The following B3GLCT variants were observed in gnomAD, a reference collection of about 807,000 sequenced individuals.
The protein encoded by B3GLCT is beta 3-glucosyltransferase.
A neutral mutation model predicts 63.4 loss-of-function variants in B3GLCT; 65 were observed. The ratio of observed to expected loss-of-function variants is 1.03; its 90% confidence interval spans 0.84 to 1.26. B3GLCT has a LOEUF of 1.26. Among genes scored for constraint, B3GLCT ranks in the 50% most tolerant of loss-of-function variants. B3GLCT has a pLI of 0.00. For missense variants in B3GLCT, 577 were observed against 604.8 expected (o/e 0.95, Z 0.48); for synonymous variants, 233 against 219.2 (o/e 1.06, Z -0.55).
chr13:31,212,653 TC>T (rs1869330225), intron 1 of B3GLCT, among the ~76,000 whole-genome samples: 1 of 152,138 alleles, frequency 6.6e-6, no homozygotes, highest in Admixed American at 6.5e-5. Context: ...CAAGGGGTCC[TC>T]CTGCCTTGGC....
At chr13:31,282,170 C>T (rs1418557860) in intron 10 of B3GLCT, among the ~76,000 whole-genome samples, 1 of 151,970 alleles carries the variant, frequency 6.6e-6, no homozygotes, top group Non-Finnish European at 1.5e-5. Flanking sequence ...GAATACAGTG[C>T]CTCAATACAA....
intron 10 of B3GLCT, among the ~76,000 whole-genome samples, chr13:31,277,659 A>G (rs1389749349): frequency 6.6e-6 from 1 of 152,200 alleles, no homozygotes; most frequent in Non-Finnish European, 1.5e-5. Context: ...TGATAATATG[A>G]TACATACAAA....
intron 6 of B3GLCT, among the ~76,000 whole-genome samples, chr13:31,256,173 T>A (rs149436124): frequency 6.6e-6 from 1 of 151,882 alleles, no homozygotes; most frequent in Admixed American, 6.6e-5. Flanking sequence ...CAAAAACATA[T>A]GAAAAAAAAG....
At chr13:31,284,274 G>A (rs1873208177) in intron 10 of B3GLCT, among the ~76,000 whole-genome samples, 1 of 152,136 alleles carries the variant, frequency 6.6e-6, no homozygotes, top group Non-Finnish European at 1.5e-5. Flanking sequence ...GTTTGCAAAG[G>A]TCTTCTCATG....
intron 13 of B3GLCT, among the ~76,000 whole-genome samples, chr13:31,321,379 A>C (rs1357518131): frequency 4.6e-5 from 7 of 152,262 alleles, no homozygotes; most frequent in Non-Finnish European, 8.8e-5. Context: ...ACAGCAAGTC[A>C]GAATCAGTGG....
chr13:31,233,930 G>A (rs542460375), intron 4 of B3GLCT, among the ~76,000 whole-genome samples: 11 of 152,158 alleles, frequency 7.2e-5, no homozygotes, highest in African/African-American at 2.7e-4. Context: ...GGGATACAAA[G>A]ATCAACAAGA....
intron 4 of B3GLCT, among the ~76,000 whole-genome samples, chr13:31,234,802 A>G (rs1593262651): frequency 1.3e-5 from 2 of 152,158 alleles, no homozygotes; most frequent in African/African-American, 4.8e-5. Context: ...TACATGTAGC[A>G]GTGACCCTGG....
At position 31,317,594 on chromosome 13, in the gene B3GLCT, T is replaced by C; in HGVS notation, c.1093T>C (p.Cys365Arg). ...SISRLQHLLS[C>R]YDSGEPVFLG... ...CTCCAGGCTCCAGCACTTGCTTAGC[T>C]GTTATGACTCCGGCGAGCCTGTGTT... Residue 365 changes from cysteine (C) to arginine (R), a missense_variant, in exon 13 of 15, where the codon TGT becomes CGT. Physicochemically the swap from Cys to Arg is radical, Grantham distance 180 (BLOSUM62 -3). Coordinates refer to ENST00000343307, the MANE Select transcript of B3GLCT (RefSeq NM_194318.4). The C allele has an allele frequency of 6.2e-7, 1 of 1,614,084 alleles. No individual in the cohort carries two copies. Among genetic ancestry groups the C allele is most frequent in the East Asian group, 2.2e-5 (1 of 44,870 alleles).
Position 31,323,733 on chromosome 13 carries a change from T to G in B3GLCT, c.1185-18T>G. 6.2e-7 allele frequency: 1 copy of G among 1,614,064 alleles called. No individual in the cohort carries two copies. The highest frequency in any genetic ancestry group is 1.3e-5 in the African/African-American group (1 of 75,040). On this transcript the variant is annotated intron_variant, in intron 13 of 14. Transcript: ENST00000343307. The stretch of plus-strand genomic sequence containing the variant: ...GTGGAGCTTCTCTAACCCCTTTCTC[T>G]GCTCTGGCTCCCACTAGAATGGTCT...
At chr13:31,312,309 CTT>C (rs1238786107) in intron 12 of B3GLCT, 4 of 152,176 alleles carry the variant, frequency 2.6e-5, no homozygotes, top group African/African-American at 7.2e-5. Context: ...AAGATGGAGT[CTT>C]TTTCTGAGAT....
At chr13:31,231,883 C>T (rs374768524) in intron 4 of B3GLCT, among the ~76,000 whole-genome samples, 71 of 152,298 alleles carry the variant, frequency 4.7e-4, no homozygotes, top group African/African-American at 1.7e-3. Flanking sequence ...GGTACAAGAG[C>T]ACTGGATGCT....
intron 6 of B3GLCT, among the ~76,000 whole-genome samples, chr13:31,249,992 C>G (rs1210823350): frequency 1.3e-5 from 2 of 152,138 alleles, no homozygotes. Context: ...CTTACTAATG[C>G]AAATGTATAC....
intron 13 of B3GLCT, among the ~76,000 whole-genome samples, chr13:31,318,423 T>C (rs1300039858): frequency 3.3e-5 from 5 of 152,182 alleles, no homozygotes; most frequent in Non-Finnish European, 5.9e-5. Flanking sequence ...ATTCCCTAGA[T>C]TGGAACAATT....
chr13:31,317,337 T>A (rs1365207988), intron 12 of B3GLCT, among the ~76,000 whole-genome samples: 3 of 152,216 alleles, frequency 2.0e-5, no homozygotes, highest in African/African-American at 7.2e-5. Context: ...AAGCCCCTTG[T>A]GTCTCAGTTT....
intron 13 of B3GLCT, among the ~76,000 whole-genome samples, 161 bp from the exon 14 acceptor site, chr13:31,323,590 A>G (rs1344696451): frequency 1.3e-5 from 2 of 152,208 alleles, no homozygotes; most frequent in Non-Finnish European, 2.9e-5. Context: ...CAGAAGACTA[A>G]AAGAGAACAG....
intron 1 of B3GLCT, among the ~76,000 whole-genome samples, chr13:31,210,022 T>G (rs1421922625): frequency 2.0e-5 from 3 of 152,236 alleles, no homozygotes; most frequent in Non-Finnish European, 2.9e-5. Flanking sequence ...CTTAAATGTG[T>G]TGCAATTAAT....
At chr13:31,214,357 G>A (rs1387991449) in intron 1 of B3GLCT, among the ~76,000 whole-genome samples, 1 of 152,150 alleles carries the variant, frequency 6.6e-6, no homozygotes, top group Non-Finnish European at 1.5e-5. Context: ...TATTTTCAGA[G>A]TGTTACTGTC....
At chr13:31,310,029 G>C (rs1874624521) in intron 12 of B3GLCT, among the ~76,000 whole-genome samples, 1 of 152,174 alleles carries the variant, frequency 6.6e-6, no homozygotes, top group African/African-American at 2.4e-5. Flanking sequence ...GAAACGGCCA[G>C]GTCCCCAGTG....
intron 8 of B3GLCT, among the ~76,000 whole-genome samples, chr13:31,274,209 ATCTC>A (rs1872683684): frequency 6.6e-6 from 1 of 152,254 alleles, no homozygotes; most frequent in Non-Finnish European, 1.5e-5. Context: ...ATTTTCTTAC[ATCTC>A]TCTCTGTGAT....
Sources: gnomAD v4.1 joint callset for allele counts (sites outside exome capture counted in the v4.1 genomes callset) on GRCh38, gnomAD v4.1.1 for gene constraint, MANE v1.5 for transcripts, NCBI Gene and HGNC (gene_info 2026-07-23, HGNC 2026-07-21) for gene names.